Variants in ADAMTSL1 observed in about 807,000 individuals in gnomAD.
ADAMTSL1 encodes the protein ADAMTS like 1, also known as ADAMTS-like protein 1.
ADAMTSL1 carries 126 observed loss-of-function variants against 201.8 expected under a neutral mutation model. The observed-to-expected ratio is 0.62, with a 90% CI of 0.54 to 0.72. The LOEUF is 0.72. ADAMTSL1 is among the 30% of genes least tolerant of loss of function. The pLI, the probability that ADAMTSL1 is intolerant of heterozygous loss-of-function variation, is 0.00. For missense variants in ADAMTSL1, 2,679 were observed against 2,277.8 expected, an observed-to-expected ratio of 1.18 and a Z score of -3.59; for synonymous variants, 1,121 against 903.4, an observed-to-expected ratio of 1.24 and a Z score of -4.32.
chr9:18,342,675 C>T (rs1434590035), intron 2 of ADAMTSL1, among the ~76,000 whole-genome samples: 1 of 152,146 alleles, frequency 6.6e-6, no homozygotes, highest in Non-Finnish European at 1.5e-5. Flanking sequence ...TGCTGCCCAA[C>T]GTTCCTCTTC....
At chr9:18,324,558 A>T (rs922457904) in intron 2 of ADAMTSL1, among the ~76,000 whole-genome samples, 1 of 152,078 alleles carries the variant, frequency 6.6e-6, no homozygotes, top group Non-Finnish European at 1.5e-5. Context: ...TGAGGTTGGG[A>T]GTTTGAAACC....
chr9:18,337,752 G>A (rs755542731), intron 2 of ADAMTSL1, among the ~76,000 whole-genome samples: 1 of 152,180 alleles, frequency 6.6e-6, no homozygotes, highest in Non-Finnish European at 1.5e-5. Context: ...CACTGGTGCT[G>A]TAGTTCATGG....
intron 2 of ADAMTSL1, among the ~76,000 whole-genome samples, chr9:18,254,045 A>C (rs1831573142): frequency 6.6e-6 from 1 of 151,944 alleles, no homozygotes; most frequent in African/African-American, 2.4e-5. Context: ...GGGAGGCAGC[A>C]CCTCCTCGAG....
intron 25 of ADAMTSL1, chr9:18,890,643 A>C (rs1041714651): frequency 4.4e-6 from 2 of 455,792 alleles, no homozygotes; most frequent in African/African-American, 4.0e-5. Flanking sequence ...TGCTGACGGG[A>C]AGGTTTCCAC....
chr9:18,281,940 C>G (rs10963551), intron 2 of ADAMTSL1, among the ~76,000 whole-genome samples: 23,687 of 152,128 alleles, frequency 0.16, 2,569 homozygotes, highest in Admixed American at 0.37. Context: ...TCTTCTTTGA[C>G]CCGTAGGTTA....
At chr9:18,686,581 T>C (rs544539836) in intron 13 of ADAMTSL1, among the ~76,000 whole-genome samples, 3 of 152,326 alleles carry the variant, frequency 2.0e-5, no homozygotes, top group African/African-American at 4.8e-5. Context: ...TTATATCCTA[T>C]TGGGTTAAAT....
chr9:18,077,227 A>G (rs76658044), intron 1 of ADAMTSL1, among the ~76,000 whole-genome samples: 2,343 of 152,326 alleles, frequency 0.015, 65 homozygotes, highest in African/African-American at 0.054. Context: ...GCCTGGAAAT[A>G]TAATGTGGTA....
At chr9:18,761,573 T>C (rs1283301998) in intron 16 of ADAMTSL1, among the ~76,000 whole-genome samples, 1 of 152,194 alleles carries the variant, frequency 6.6e-6, no homozygotes, top group Non-Finnish European at 1.5e-5. Context: ...AAATGATGAC[T>C]CATAAAGGCA....
intron 2 of ADAMTSL1, among the ~76,000 whole-genome samples, chr9:18,418,872 A>G (rs2133351541): frequency 6.6e-6 from 1 of 152,374 alleles, no homozygotes; most frequent in Middle Eastern, 3.4e-3. Flanking sequence ...CAAAGGAATA[A>G]GAATAGTTAA....
intron 3 of ADAMTSL1, among the ~76,000 whole-genome samples, chr9:18,547,832 A>G (rs1228204232): frequency 6.6e-6 from 1 of 151,870 alleles, no homozygotes; most frequent in South Asian, 2.1e-4. Flanking sequence ...TTAGTACAGT[A>G]TCTGATTCTG....
intron 1 of ADAMTSL1, among the ~76,000 whole-genome samples, chr9:18,489,913 C>T (rs779410939): frequency 1.8e-4 from 28 of 152,068 alleles, no homozygotes; most frequent in Non-Finnish European, 2.8e-4. Context: ...CCCCTTTTTT[C>T]CTAAAATGCC....
intron 2 of ADAMTSL1, among the ~76,000 whole-genome samples, chr9:18,207,792 C>CTG (rs1829715245): frequency 6.7e-6 from 1 of 148,534 alleles, no homozygotes; most frequent in Admixed American, 6.7e-5. Context: ...CCTTTTGAAA[C>CTG]AATACAGAGT....
chr9:17,976,645 A>G (rs1275409235), intron 1 of ADAMTSL1, among the ~76,000 whole-genome samples: 2 of 151,188 alleles, frequency 1.3e-5, no homozygotes, highest in Non-Finnish European at 2.9e-5. Context: ...TGAAGTCCTT[A>G]AGGTTCTTTC....
At chr9:18,330,812 A>G (rs1426763259) in intron 2 of ADAMTSL1, among the ~76,000 whole-genome samples, 1 of 152,192 alleles carries the variant, frequency 6.6e-6, no homozygotes, top group Non-Finnish European at 1.5e-5. Flanking sequence ...ATTTTACAAA[A>G]CACATGGCTT....
chr9:18,773,077 C>T (rs894324292), intron 17 of ADAMTSL1, among the ~76,000 whole-genome samples: 2 of 152,118 alleles, frequency 1.3e-5, no homozygotes, highest in African/African-American at 4.8e-5. Flanking sequence ...TTCCCCTGGC[C>T]GTCTGGCTGA....
chr9:18,076,700 G>C lies in ADAMTSL1; in HGVS notation c.88-87162G>C, dbSNP rs142464136. Among the ~76,000 whole-genome samples the C allele has an allele frequency of 1.3e-3, 192 of 152,288 alleles. 1 individual carries two copies. Among genetic ancestry groups the C allele is most frequent in the African/African-American group, 4.3e-3 (177 of 41,562 alleles). ...CAGTGTGGCAATGTCATGTGAGCAGGGAACCACTGTTAACGGCTGGGAGAC... is the reference window on the plus strand; with the variant it reads ...CAGTGTGGCAATGTCATGTGAGCAGCGAACCACTGTTAACGGCTGGGAGAC... On this transcript the variant is annotated intron_variant, in intron 1 of 29. Coordinates refer to the ADAMTSL1 transcript ENST00000680146.
At chr9:18,378,273 G>T (rs1190071991) in intron 2 of ADAMTSL1, among the ~76,000 whole-genome samples, 1 of 152,158 alleles carries the variant, frequency 6.6e-6, no homozygotes, top group Non-Finnish European at 1.5e-5. Context: ...TGTATGTGAA[G>T]CTCAGGTGTC....
rs189473490 is a variant in ADAMTSL1 at position 18,613,776 on chromosome 9, G to A, written c.475-8467G>A. Among the ~76,000 whole-genome samples, 46 of 152,092 alleles carry A rather than the reference G, an allele frequency of 3.0e-4. 1 individual carries two copies. The highest frequency in any genetic ancestry group is 1.0e-3 in the African/African-American group (43 of 41,474). On this transcript the variant is annotated intron_variant, in intron 4 of 28. Coordinates refer to ENST00000380548, the MANE Select transcript of ADAMTSL1 (RefSeq NM_001040272.6). ...GGACAGGATCAGAAAAAAACTATTGGGTACTAGGCTTAGTACCTGGGCAAT... is the reference window on the plus strand; with the variant it reads ...GGACAGGATCAGAAAAAAACTATTGAGTACTAGGCTTAGTACCTGGGCAAT...
At chr9:18,280,935 G>A (rs939898756) in intron 2 of ADAMTSL1, among the ~76,000 whole-genome samples, 2 of 150,096 alleles carry the variant, frequency 1.3e-5, no homozygotes, top group African/African-American at 4.9e-5. Context: ...AAGTGCGGTG[G>A]CATGATCATA....
Sources: allele counts gnomAD v4.1 joint callset (sites outside exome capture counted in the v4.1 genomes callset), GRCh38; gene constraint gnomAD v4.1.1; transcripts MANE v1.5; gene names NCBI Gene and HGNC (gene_info 2026-07-23, HGNC 2026-07-21).